RPS6KL1: variants seen among roughly 807,000 people sequenced by gnomAD.
RPS6KL1 encodes the protein ribosomal protein S6 kinase like 1.
In RPS6KL1, 41 loss-of-function variants were observed where a neutral mutation model predicts 57.0. That is an observed-to-expected ratio of 0.72 (90% CI 0.56 to 0.93). RPS6KL1 has a LOEUF of 0.93. Among genes scored for constraint, RPS6KL1 ranks in the 40% least tolerant of loss-of-function variants. The pLI, the probability that RPS6KL1 is intolerant of heterozygous loss-of-function variation, is 0.00. For missense variants in RPS6KL1, 697 were observed against 727.7 expected, an observed-to-expected ratio of 0.96 and a Z score of 0.49; for synonymous variants, 287 against 309.7, an observed-to-expected ratio of 0.93 and a Z score of 0.77.
Position 74,921,263 on chromosome 14 carries a change from G to GCCCCC in RPS6KL1, c.265+13_265+14insGGGGG. The GCCCCC allele has an allele frequency of 1.4e-6, 1 of 711,014 alleles. No individual in the cohort carries two copies. The highest frequency in any genetic ancestry group is 2.5e-6 in the Non-Finnish European group (1 of 407,940). 44.0% of individuals were successfully genotyped at this position (711,014 alleles called of 1,614,324 possible). On this transcript the variant is annotated intron_variant, in intron 3 of 11. Transcript: ENST00000557413. ...TCCCCACCCACCCCAGCCCTGCCCA[G>GCCCCC]CCCCGGTCCTCACCGTGTATGCCAC... is the stretch of plus-strand genomic sequence containing the variant.
rs556266814 is a variant in RPS6KL1, at chr14:74,922,351, T to A, written c.-394A>T. The A allele has an allele frequency of 1.0e-6, 1 of 986,100 alleles. No individual in the cohort carries two copies. Among genetic ancestry groups the A allele is most frequent in the East Asian group, 1.1e-4 (1 of 8,828 alleles). 61.1% of individuals were successfully genotyped at this position (986,100 alleles called of 1,614,324 possible). ...GGGAATCTCATTTACCCTTTGGGGT[T>A]TAGCACTTCTCCGTGGACCGGATGG... On this transcript the variant is annotated 5_prime_UTR_variant, in exon 2 of 12. Coordinates refer to ENST00000557413, the MANE Select transcript of RPS6KL1 (RefSeq NM_031464.5).
chr14:74,921,209 G>T, intron 3 of RPS6KL1, 68 bp downstream of exon 3: 2 of 1,379,686 alleles, frequency 1.4e-6, no homozygotes, highest in Non-Finnish European at 2.0e-6. Context: ...AAGACAGATG[G>T]GTGACAGGAA....
At chr14:74,911,906 C>T in intron 5 of RPS6KL1, 65 bp from the exon 6 acceptor site, 1 of 1,416,434 alleles carries the variant, frequency 7.1e-7, no homozygotes, top group Non-Finnish European at 9.7e-7. Flanking sequence ...TGACCCCAGC[C>T]TGACCCCCTC....
chr14:74,918,617 G>A lies in RPS6KL1; in HGVS notation c.391-12C>T. 2 of 1,531,024 alleles carry A rather than the reference G, an allele frequency of 1.3e-6. No individual in the cohort carries two copies. Among genetic ancestry groups the A allele is most frequent in the East Asian group, 2.5e-5 (1 of 40,750 alleles). The allele number at this position is 1,531,024 out of a possible 1,614,324, so 94.8% of individuals were successfully genotyped here. Reference sequence around the variant, plus strand: ...AGGCTGCTGAAACCCTGCAGAGGAGGGAGACAGGCCACACACAGCCTCAGG... The same window carrying A: ...AGGCTGCTGAAACCCTGCAGAGGAGAGAGACAGGCCACACACAGCCTCAGG... On this transcript the variant is annotated splice_polypyrimidine_tract_variant and intron_variant, in intron 4 of 11. Coordinates refer to ENST00000557413, the MANE Select transcript of RPS6KL1 (RefSeq NM_031464.5).
rs1480684616 is a variant in RPS6KL1, at chr14:74,906,414, GGGTGGGGGT to G, written c.*591_*599del. 1.5e-5 allele frequency: 5 copies of G among 338,752 alleles called. No homozygotes were observed. The highest frequency in any genetic ancestry group is 1.2e-4 in the African/African-American group (5 of 41,878). The allele number at this position is 338,752 out of a possible 1,614,324, so 21.0% of individuals were successfully genotyped here. ...GCATGGTCAGGAATCGGGGGTGGGG[GGGTGGGGGT>G]GGGGGTCATCCTGTCCCCTACCTCA... is the stretch of plus-strand genomic sequence containing the variant. On this transcript the variant is annotated 3_prime_UTR_variant, in exon 12 of 12. Coordinates refer to ENST00000557413, the MANE Select transcript of RPS6KL1 (RefSeq NM_031464.5).
intron 4 of RPS6KL1, among the ~76,000 whole-genome samples, chr14:74,918,914 G>A (rs968062728): frequency 6.6e-6 from 1 of 152,220 alleles, no homozygotes. Flanking sequence ...AGTGGCTCAC[G>A]CCTGTAATCC....
chr14:74,921,235 C>T, intron 3 of RPS6KL1, 42 bp downstream of exon 3: 1 of 883,510 alleles, frequency 1.1e-6, no homozygotes, highest in Non-Finnish European at 1.9e-6. Flanking sequence ...CTGCACTGGC[C>T]CTTCCCCACC....
chr14:74,922,098 C>T lies in RPS6KL1; in HGVS notation c.-141G>A, dbSNP rs1887955524. On this transcript the variant is annotated 5_prime_UTR_variant, in exon 2 of 12. Coordinates refer to ENST00000557413, the MANE Select transcript of RPS6KL1 (RefSeq NM_031464.5). ...AGGCCTGGGGCTCTGTTTTCCTTTC[C>T]AGTCAAATTCAGTTCAGCAAACATT... The T allele has an allele frequency of 7.5e-6, 6 of 799,900 alleles. No individual in the cohort carries two copies. The highest frequency in any genetic ancestry group is 1.9e-5 in the African/African-American group (1 of 53,306). The allele number at this position is 799,900 out of a possible 1,614,324, so 49.6% of individuals were successfully genotyped here.
intron 7 of RPS6KL1, 104 bp downstream of exon 7, chr14:74,911,144 T>G: frequency 8.7e-7 from 1 of 1,154,914 alleles, no homozygotes; most frequent in Non-Finnish European, 1.3e-6. Context: ...AGTGCTGGGA[T>G]TACAGGCGTG....
In RPS6KL1 at chr14:74,909,986, A is replaced by G; in HGVS notation, c.827T>C (p.Ile276Thr). Residue 276 changes from isoleucine (I) to threonine (T), a missense_variant, in exon 8 of 12, where the codon ATC (isoleucine) becomes ACC (threonine). Ile to Thr is a moderately conservative substitution (Grantham distance 89). Transcript: ENST00000557413. The part of the protein sequence containing the change: ...PSGHAPGQDR[I>T]ALEPPRTSPN... Reference sequence around the variant, plus strand: ...AGAAGTCCTAGGAGGCTCCAGGGCGATTCTGTCCTGGCCAGGGGCATGGCC... The same window carrying G: ...AGAAGTCCTAGGAGGCTCCAGGGCGGTTCTGTCCTGGCCAGGGGCATGGCC... The G allele has an allele frequency of 6.2e-7, 1 of 1,614,036 alleles. No homozygotes were observed.
At position 74,921,472 on chromosome 14, in the gene RPS6KL1, A is replaced by G. The variant is rs747257737; in HGVS notation, c.70T>C (p.Ser24Pro). 23 of 1,613,968 alleles carry G rather than the reference A, an allele frequency of 1.4e-5. No individual in the cohort carries two copies. The highest frequency in any genetic ancestry group is 1.9e-5 in the Non-Finnish European group (23 of 1,180,002). The change falls in exon 3 of 12, where the codon TCC (serine) becomes CCC (proline). Residue 24 changes from serine to proline, a missense_variant. Ser to Pro is a moderately conservative substitution (Grantham distance 74, BLOSUM62 -1). Coordinates refer to ENST00000557413, the MANE Select transcript of RPS6KL1 (RefSeq NM_031464.5). ...LEPEPCSRAR[S>P]QAHVYLEQIR... Reference sequence around the variant, plus strand: ...TGCTCCAGGTACACGTGAGCTTGGGACCGTGCTCGTGAGCAAGGCTCAGGC... The same window carrying G: ...TGCTCCAGGTACACGTGAGCTTGGGGCCGTGCTCGTGAGCAAGGCTCAGGC...
chr14:74,908,953 G>A (rs758884319), intron 9 of RPS6KL1, 21 bp from the exon 10 acceptor site: 2 of 1,609,056 alleles, frequency 1.2e-6, no homozygotes, highest in East Asian at 2.2e-5. Context: ...AAGAACACAG[G>A]TGTCCCAGCC....
intron 4 of RPS6KL1, among the ~76,000 whole-genome samples, chr14:74,918,863 T>A (rs1439882635): frequency 6.6e-6 from 1 of 152,164 alleles, no homozygotes; most frequent in Non-Finnish European, 1.5e-5. Context: ...TTCTCTGGGC[T>A]TCAGAAGCCC....
rs56092624 is a variant in RPS6KL1, at chr14:74,921,497, C to T, written c.45G>A (p.Glu15=). ...ACECLPSPGL[E]PEPCSRARSQ... ...ACCGTGCTCGTGAGCAAGGCTCAGG[C>T]TCCAGGCCGGGGCTGGGCAGGCACT... Residue 15 remains glutamate, a synonymous_variant, in exon 3 of 12, where the codon GAG becomes GAA. Coordinates refer to ENST00000557413, the MANE Select transcript of RPS6KL1 (RefSeq NM_031464.5). 2,185 of 1,614,068 alleles carry T rather than the reference C, an allele frequency of 1.4e-3. 33 individuals carry two copies. In the African/African-American group the frequency reaches 0.026, roughly 19 times the overall value.
intron 7 of RPS6KL1, chr14:74,910,870 CTTTTTTTTTT>C (rs5809683): frequency 1.3e-5 from 2 of 153,680 alleles, no homozygotes; most frequent in African/African-American, 5.8e-5. Flanking sequence ...CAGGGCTCAG[CTTTTTTTTTT>C]TTTTTTTTTG....
rs779864151 is a variant in RPS6KL1, at chr14:74,907,074, GAC to G, written c.1588_1589del (p.Val530GlnfsTer26). Reference protein sequence around the residue: ...TRRLGMGEGGVSKLKSHPFFS... With the variant: ...TRRLGMGEGGXSKLKSHPFFS... ...AAAAGGGATGGGACTTGAGTTTGCT[GAC>G]ACCACCTTCTCCCATGCCCAGGCGC... On this transcript the variant is annotated frameshift_variant, in exon 12 of 12. Coordinates refer to ENST00000557413, the MANE Select transcript of RPS6KL1 (RefSeq NM_031464.5). LOFTEE classifies it high-confidence loss of function. The G allele has an allele frequency of 6.2e-7, 1 of 1,613,876 alleles. No homozygotes were observed. The highest frequency in any genetic ancestry group is 1.7e-5 in the Admixed American group (1 of 59,954).
Position 74,922,228 on chromosome 14 carries a change from C to A in RPS6KL1, c.-271G>T. The A allele has an allele frequency of 1.0e-6, 1 of 986,484 alleles. No homozygotes were observed. The highest frequency in any genetic ancestry group is 1.2e-6 in the Non-Finnish European group (1 of 830,676). 61.1% of individuals were successfully genotyped at this position (986,484 alleles called of 1,614,324 possible). A position where few individuals can be genotyped will look rare whatever the true frequency, so the allele number is the denominator to read the frequency against. Reference sequence around the variant, plus strand: ...CGTAGAGCAAGCTTGGTATCCAGTACGCATTCAGCACATGGAGGCCACACA... The same window carrying A: ...CGTAGAGCAAGCTTGGTATCCAGTAAGCATTCAGCACATGGAGGCCACACA... On this transcript the variant is annotated 5_prime_UTR_variant, in exon 2 of 12. Coordinates refer to ENST00000557413, the MANE Select transcript of RPS6KL1 (RefSeq NM_031464.5).
intron 5 of RPS6KL1, among the ~76,000 whole-genome samples, chr14:74,916,047 C>T (rs1488870049): frequency 6.6e-6 from 1 of 152,196 alleles, no homozygotes; most frequent in African/African-American, 2.4e-5. Context: ...ATCTCTTCAG[C>T]CCTTAGTTAT....
intron 1 of RPS6KL1, 76 bp downstream of exon 1, chr14:74,923,104 G>A (rs942853981): frequency 6.6e-6 from 1 of 152,084 alleles, no homozygotes; most frequent in African/African-American, 2.4e-5. Flanking sequence ...CAAGGTGCAC[G>A]GTCCCAGGGT....
Sources: gnomAD v4.1 joint callset for allele counts (sites outside exome capture counted in the v4.1 genomes callset) on GRCh38, gnomAD v4.1.1 for gene constraint, MANE v1.5 for transcripts, NCBI Gene and HGNC (gene_info 2026-07-23, HGNC 2026-07-21) for gene names.